SP140: variants seen among roughly 807,000 people sequenced by gnomAD.
SP140 encodes the protein SP140 nuclear body protein, also known as nuclear body protein SP140.
SP140 carries 81 observed loss-of-function variants against 125.0 expected under a neutral mutation model. The observed-to-expected ratio is 0.65, with a 90% CI of 0.54 to 0.78. SP140 has a LOEUF of 0.78. Among genes scored for constraint, SP140 ranks in the 30% least tolerant of loss-of-function variants. SP140 has a pLI of 0.00. For synonymous variants in SP140, 312 were observed against 354.0 expected, an observed-to-expected ratio of 0.88 and a Z score of 1.33; for missense variants, 858 against 1,037.0, an observed-to-expected ratio of 0.83 and a Z score of 2.37.
chr2:230,304,568 A>G (rs569505601), intron 22 of SP140, among the ~76,000 whole-genome samples: 3 of 152,180 alleles, frequency 2.0e-5, no homozygotes, highest in Non-Finnish European at 2.9e-5. Flanking sequence ...GTACACATAG[A>G]CCAATGGAAC....
At chr2:230,256,031 T>C (rs2052806) in intron 12 of SP140, among the ~76,000 whole-genome samples, 151,208 of 152,304 alleles carry the variant, frequency 0.99, 75,061 homozygotes, top group Middle Eastern at 1. Context: ...TATTTGAATT[T>C]ATATAAAATT....
rs765230357 is a variant in SP140 at position 230,251,110 on chromosome 2, T to C, written c.1057+49T>C. 2.7e-6 allele frequency: 4 copies of C among 1,489,112 alleles called. No homozygotes were observed. In the African/African-American group the frequency reaches 4.2e-5, roughly 15 times the overall value. The allele number at this position is 1,489,112 out of a possible 1,614,324, so 92.2% of individuals were successfully genotyped here. On this transcript the variant is annotated intron_variant, in intron 10 of 26. Transcript: ENST00000392045. ...CCCTGGGCTGCAGAGTGTCAGGAGGTTGAATTTGGAGCTTGTGTTTCCTGA... is the reference window on the plus strand; with the variant it reads ...CCCTGGGCTGCAGAGTGTCAGGAGGCTGAATTTGGAGCTTGTGTTTCCTGA...
chr2:230,225,067 G>A (rs1215136186), upstream of SP140, among the ~76,000 whole-genome samples: 1 of 152,164 alleles, frequency 6.6e-6, no homozygotes, highest in Non-Finnish European at 1.5e-5. Context: ...TGAAGGTCTA[G>A]ATAATCTCAG....
At chr2:230,238,627 T>G (rs1190480292) in intron 3 of SP140, 1 of 832,144 alleles carries the variant, frequency 1.2e-6, no homozygotes, top group East Asian at 2.7e-5. Flanking sequence ...TTGATTTTGA[T>G]GCTGTAAAAC....
At chr2:230,205,799 G>A (rs1252405917) in intron 1 of SP140, among the ~76,000 whole-genome samples, 1 of 152,166 alleles carries the variant, frequency 6.6e-6, no homozygotes, top group Non-Finnish European at 1.5e-5. Context: ...CTGGCTATGT[G>A]TTTCTTGAAG....
intron 9 of SP140, among the ~76,000 whole-genome samples, chr2:230,249,443 C>T (rs2050018371): frequency 6.6e-6 from 1 of 152,078 alleles, no homozygotes; most frequent in South Asian, 2.1e-4. Flanking sequence ...ACCTGTGGTG[C>T]TATAGCCCCT....
chr2:230,297,645 G>C (rs942736819), intron 22 of SP140, among the ~76,000 whole-genome samples, 183 bp downstream of exon 22: 7 of 152,186 alleles, frequency 4.6e-5, no homozygotes, highest in Non-Finnish European at 7.4e-5. Context: ...GTCTCATTAT[G>C]AAAGCACCCT....
At chr2:230,290,127 G>C (rs547089089) in intron 18 of SP140, among the ~76,000 whole-genome samples, 5 of 152,274 alleles carry the variant, frequency 3.3e-5, no homozygotes, top group African/African-American at 1.2e-4. Flanking sequence ...AGCATAGCTG[G>C]AGAGCTTCTG....
intron 20 of SP140, among the ~76,000 whole-genome samples, chr2:230,293,524 A>G (rs139655419): frequency 0.014 from 2,106 of 151,986 alleles, 33 homozygotes; most frequent in Non-Finnish European, 0.022. Flanking sequence ...TTTAGTAGAA[A>G]TGGGGTTTTG....
At chr2:230,301,128 C>A (rs989456408) in intron 22 of SP140, among the ~76,000 whole-genome samples, 1 of 152,176 alleles carries the variant, frequency 6.6e-6, no homozygotes, top group African/African-American at 2.4e-5. Flanking sequence ...ATGAACAAAG[C>A]CTCCACGAAG....
chr2:230,242,717 C>T (rs1296350872), intron 4 of SP140, among the ~76,000 whole-genome samples: 6 of 152,150 alleles, frequency 3.9e-5, no homozygotes, highest in Non-Finnish European at 7.4e-5. Flanking sequence ...GAAACCTAGT[C>T]AAGTCATCAT....
At chr2:230,311,686 A>C in intron 26 of SP140, 91 bp downstream of exon 26, 1 of 1,531,184 alleles carries the variant, frequency 6.5e-7, no homozygotes, top group Non-Finnish European at 8.9e-7. Flanking sequence ...CTCATCCTGT[A>C]ATAAGCTTGC....
the SP140 span, among the ~76,000 whole-genome samples, chr2:230,192,167 C>T: frequency 6.6e-6 from 1 of 152,192 alleles, no homozygotes; most frequent in Non-Finnish European, 1.5e-5. Flanking sequence ...GACAAACCCA[C>T]AGCCAATATC....
chr2:230,204,846 G>A (rs1574695713), intron 1 of SP140, among the ~76,000 whole-genome samples: 1 of 152,144 alleles, frequency 6.6e-6, no homozygotes, highest in East Asian at 1.9e-4. Flanking sequence ...AACATTTATG[G>A]GGAGTAGTGT....
chr2:230,237,370 A>T lies in SP140; in HGVS notation c.237+110A>T. 4 of 900,818 alleles carry T rather than the reference A, an allele frequency of 4.4e-6. No homozygotes were observed. The highest frequency in any genetic ancestry group is 6.8e-6 in the Non-Finnish European group (4 of 586,518). The allele number at this position is 900,818 out of a possible 1,614,324, so 55.8% of individuals were successfully genotyped here. A position where few individuals can be genotyped will look rare whatever the true frequency, so the allele number is the denominator to read the frequency against. On this transcript the variant is annotated intron_variant, in intron 2 of 26. Transcript: ENST00000392045. The surrounding 1 kb of genome is among the most constrained non-coding windows in gnomAD (Gnocchi z 5.4). ...CCTCCTGTGAGTGGGGACCTTCACC[A>T]TTCTGTAGGTTAGGAGGTGACAGGA...
At chr2:230,219,900 C>T in intron 3 of SP140, 1 of 985,380 alleles carries the variant, frequency 1.0e-6, no homozygotes, top group Non-Finnish European at 1.2e-6. Flanking sequence ...TCGTTCCTGC[C>T]CCTTTCCAGG....
At chr2:230,249,465 A>G (rs9989808) in intron 9 of SP140, among the ~76,000 whole-genome samples, 45,693 of 151,968 alleles carry the variant, frequency 0.3, 7,016 homozygotes, top group Middle Eastern at 0.35. Context: ...CGTGAACAGA[A>G]GATCTTTTCC....
intron 4 of SP140, among the ~76,000 whole-genome samples, chr2:230,243,461 G>A (rs1216772763): frequency 6.6e-6 from 1 of 152,128 alleles, no homozygotes; most frequent in Non-Finnish European, 1.5e-5. Context: ...AGAGATTGAG[G>A]AAATGTACAG....
chr2:230,231,989 G>A (rs956706721), intron 1 of SP140, among the ~76,000 whole-genome samples: 1 of 152,062 alleles, frequency 6.6e-6, no homozygotes, highest in African/African-American at 2.4e-5. Context: ...GATTACAGGT[G>A]TGAGCCACCG....
Sources: gnomAD v4.1 joint callset for allele counts (sites outside exome capture counted in the v4.1 genomes callset) on GRCh38, gnomAD v4.1.1 for gene constraint, Gnocchi (gnomAD v3.1) non-coding constraint, MANE v1.5 for transcripts, NCBI Gene and HGNC (gene_info 2026-07-23, HGNC 2026-07-21) for gene names.